The following RETNLB variants were observed in gnomAD, a reference collection of about 807,000 sequenced individuals.
The protein encoded by RETNLB is resistin like beta.
Under a neutral mutation model 6.8 loss-of-function variants are expected in RETNLB, and 11 were observed. The ratio of observed to expected loss-of-function variants is 1.62; its 90% CI spans 1.02 to 2.68. The LOEUF (loss-of-function observed/expected upper bound fraction) is 2.68. RETNLB is among the 30% of genes most tolerant of loss of function. The pLI is 0.00. For missense variants in RETNLB, 146 were observed against 135.7 expected, an observed-to-expected ratio of 1.08 and a Z score of -0.38; for synonymous variants, 57 against 54.2, an observed-to-expected ratio of 1.05 and a Z score of -0.23.
intron 1 of RETNLB, 93 bp downstream of exon 1, chr3:108,756,966 G>T (rs970467436): frequency 9.2e-5 from 134 of 1,454,588 alleles, no homozygotes; most frequent in Non-Finnish European, 1.2e-4. Flanking sequence ...GCTTGGTTGG[G>T]ATCTTGGGAT....
At position 108,756,571 on chromosome 3, in the gene RETNLB, T is replaced by C. The variant is rs1438495520; in HGVS notation, c.145A>G (p.Ile49Val). Residue 49 changes from isoleucine to valine, a missense_variant, in exon 2 of 3, where the codon ATA becomes GTA. By Grantham distance (29) the Ile-to-Val change is conservative. Coordinates refer to ENST00000295755, the MANE Select transcript of RETNLB (RefSeq NM_032579.3). ...LNSLEYSPSP[I>V]SKKLSCASVK... is the part of the protein sequence containing the mutation. The stretch of plus-strand genomic sequence containing the variant: ...CTAGCACACGAGAGCTTCTTGCTTA[T>C]AGGAGAGGGACTGTACTCTGAGTAG... The C allele has an allele frequency of 1.2e-6, 2 of 1,612,024 alleles. No individual in the cohort carries two copies. The highest frequency in any genetic ancestry group is 4.5e-5 in the East Asian group (2 of 44,874).
intron 1 of RETNLB, 85 bp from the exon 2 acceptor site, chr3:108,756,673 G>T: frequency 2.1e-6 from 2 of 966,342 alleles, no homozygotes; most frequent in Non-Finnish European, 3.3e-6. Context: ...CTTCTACCTT[G>T]GAGGTGACAC....
intron 1 of RETNLB, 116 bp downstream of exon 1, chr3:108,756,943 C>T: frequency 8.2e-7 from 1 of 1,212,864 alleles, no homozygotes; most frequent in Non-Finnish European, 1.1e-6. Flanking sequence ...AGAAAGCCCT[C>T]ATCAGGGGTT....
At position 108,755,808 on chromosome 3, in the gene RETNLB, C is replaced by T; in HGVS notation, c.306G>A (p.Trp102Ter). The change falls in exon 3 of 3, where the codon TGG becomes TGA. Residue 102 changes from tryptophan (W) to a stop codon, truncating the protein, a stop_gained. Transcript: ENST00000295755. LOFTEE classifies it high-confidence loss of function. ...TCAGGTGGCAGCAGCGGGCAGTGGT[C>T]CAGTCCACCACACTGCACTGGCAGT... ...TCHCQCSVVD[W>*]TTARCCHLT The T allele has an allele frequency of 6.2e-7, 1 of 1,614,138 alleles. No homozygotes were observed. The highest frequency in any genetic ancestry group is 8.5e-7 in the Non-Finnish European group (1 of 1,179,972).
At chr3:108,756,420 G>C in intron 2 of RETNLB, 88 bp downstream of exon 2, 2 of 917,946 alleles carry the variant, frequency 2.2e-6, no homozygotes, top group African/African-American at 3.2e-5. Context: ...ATACAGACCT[G>C]ACATGGGGGA....
At chr3:108,756,438 G>T (rs1400651527) in intron 2 of RETNLB, 70 bp downstream of exon 2, 5 of 1,040,302 alleles carry the variant, frequency 4.8e-6, no homozygotes, top group Admixed American at 1.7e-5. Context: ...GGAAGACGTA[G>T]GTGCAGGGAG....
At position 108,757,119 on chromosome 3, in the gene RETNLB, T is replaced by A; in HGVS notation, c.67A>T (p.Thr23Ser). ...ATAACGGAGTCTAAGGAACACTGAG[T>A]ACTCCCCGGGTTGATCAGCTGGAGA... is the stretch of plus-strand genomic sequence containing the variant. Reference protein sequence around the residue: ...PLLQLINPGSTQCSLDSVMDK... With the variant: ...PLLQLINPGSSQCSLDSVMDK... The change falls in exon 1 of 3, where the codon ACT (threonine) becomes TCT (serine). Residue 23 changes from threonine to serine, a missense_variant. Coordinates refer to ENST00000295755, the MANE Select transcript of RETNLB (RefSeq NM_032579.3). The A allele has an allele frequency of 1.2e-6, 2 of 1,613,664 alleles. No individual in the cohort carries two copies. The highest frequency in any genetic ancestry group is 8.5e-7 in the Non-Finnish European group (1 of 1,179,826).
Position 108,756,466 on chromosome 3 carries a change from C to A in RETNLB, c.208+42G>T, listed in dbSNP as rs1223183665. ...GCAGGGAGATGGACAGGGGAGGATA[C>A]AGGGCATCGTAGTCGCCATTCCCTC... On this transcript the variant is annotated intron_variant, in intron 2 of 2. Coordinates refer to ENST00000295755, the MANE Select transcript of RETNLB (RefSeq NM_032579.3). 4 of 1,292,300 alleles carry A rather than the reference C, an allele frequency of 3.1e-6. No homozygotes were observed. The African/African-American group carries it at 5.8e-5, about 19-fold the overall frequency. The allele number at this position is 1,292,300 out of a possible 1,614,324, so 80.1% of individuals were successfully genotyped here.
chr3:108,756,259 G>C (rs2107482458), intron 2 of RETNLB, among the ~76,000 whole-genome samples: 1 of 152,282 alleles, frequency 6.6e-6, no homozygotes, highest in East Asian at 1.9e-4. Context: ...ATGGAGGAGA[G>C]GAAGGGCTGA....
Position 108,755,695 on chromosome 3 carries a change from G to C in RETNLB, c.*83C>G. ...ATCAGGAATGGAACAAATGAAGTGG[G>C]ACGTTTGAGTTAGATTTCTTGGTTG... On this transcript the variant is annotated 3_prime_UTR_variant, in exon 3 of 3. Coordinates refer to ENST00000295755, the MANE Select transcript of RETNLB (RefSeq NM_032579.3). 1 of 1,450,830 alleles carries C rather than the reference G, an allele frequency of 6.9e-7. No homozygotes were observed. 89.9% of individuals were successfully genotyped at this position (1,450,830 alleles called of 1,614,324 possible). A position where few individuals can be genotyped will look rare whatever the true frequency, so the allele number is the denominator to read the frequency against.
At chr3:108,756,001 G>A in intron 2 of RETNLB, 96 bp from the exon 3 acceptor site, 1 of 1,447,176 alleles carries the variant, frequency 6.9e-7, no homozygotes. Flanking sequence ...GCAGTCAGGG[G>A]TAGAGCTAGG....
intron 1 of RETNLB, 44 bp from the exon 2 acceptor site, chr3:108,756,632 C>T (rs769694832): frequency 7.6e-7 from 1 of 1,322,342 alleles, no homozygotes; most frequent in Non-Finnish European, 1.1e-6. Context: ...AGCTATCCTC[C>T]CCATAATCCC....
intron 2 of RETNLB, 107 bp downstream of exon 2, chr3:108,756,401 G>A: frequency 5.1e-6 from 4 of 782,912 alleles, no homozygotes; most frequent in South Asian, 1.5e-5. Context: ...GCCCCAGGGT[G>A]CCAGGGTGAT....
chr3:108,756,986 A>G, intron 1 of RETNLB, 73 bp downstream of exon 1: 3 of 1,540,002 alleles, frequency 1.9e-6, no homozygotes, highest in Non-Finnish European at 2.6e-6. Flanking sequence ...TGGGATAGAG[A>G]CAAAGCTAGA....
In RETNLB at chr3:108,757,109, G is replaced by A. The variant is rs1945255819; in HGVS notation, c.77C>T (p.Ser26Phe). 1.2e-6 allele frequency: 2 copies of A among 1,613,934 alleles called. No individual in the cohort carries two copies. Among genetic ancestry groups the A allele is most frequent in the African/African-American group, 2.7e-5 (2 of 75,010 alleles). The change falls in exon 1 of 3, where the codon TCC (serine) becomes TTC (phenylalanine). Residue 26 changes from serine to phenylalanine, a missense_variant. By Grantham distance (155) the Ser-to-Phe change is radical. Coordinates refer to ENST00000295755, the MANE Select transcript of RETNLB (RefSeq NM_032579.3). ...CTTCTTATCCATAACGGAGTCTAAG[G>A]AACACTGAGTACTCCCCGGGTTGAT... The part of the protein sequence containing the change: ...QLINPGSTQC[S>F]LDSVMDKKIK...
chr3:108,757,147 G>T lies in RETNLB; in HGVS notation c.39C>A (p.Pro13=), dbSNP rs1229419090. Residue 13 remains proline (P), a synonymous_variant, in exon 1 of 3, where the codon CCC becomes CCA. Coordinates refer to ENST00000295755, the MANE Select transcript of RETNLB (RefSeq NM_032579.3). ...PSSCLLLILI[P]LLQLINPGST... is the part of the protein sequence containing the mutation. ...TCCCCGGGTTGATCAGCTGGAGAAG[G>T]GGGATTAGGATGAGAAGGAGGCAAG... 1 of 1,571,874 alleles carries T rather than the reference G, an allele frequency of 6.4e-7. No individual in the cohort carries two copies. The highest frequency in any genetic ancestry group is 1.8e-5 in the Admixed American group (1 of 56,062).
rs766178120 is a variant in RETNLB at position 108,755,795 on chromosome 3, A to C, written c.319T>G (p.Cys107Gly). 3.0e-5 allele frequency: 48 copies of C among 1,614,074 alleles called. No individual in the cohort carries two copies. The East Asian group carries it at 1.1e-3, about 36-fold the overall frequency. ...CSVVDWTTARCCHLT is the reference protein window; with the variant it reads ...CSVVDWTTARGCHLT The stretch of plus-strand genomic sequence containing the variant: ...CCTCCCTGTCAGGTCAGGTGGCAGC[A>C]GCGGGCAGTGGTCCAGTCCACCACA... The change falls in exon 3 of 3, where the codon TGC becomes GGC. Residue 107 changes from cysteine (C) to glycine (G), a missense_variant. By Grantham distance (159) the Cys-to-Gly change is radical. Coordinates refer to ENST00000295755, the MANE Select transcript of RETNLB (RefSeq NM_032579.3).
In RETNLB at chr3:108,756,489, C is replaced by A. The variant is rs755356562; in HGVS notation, c.208+19G>T. 1.9e-6 allele frequency: 3 copies of A among 1,552,620 alleles called. No homozygotes were observed. The highest frequency in any genetic ancestry group is 2.2e-5 in the South Asian group (2 of 89,802). The stretch of plus-strand genomic sequence containing the variant: ...TACAGGGCATCGTAGTCGCCATTCC[C>A]TCTCAGGGAGTTACTCACCAGCAGG... On this transcript the variant is annotated intron_variant, in intron 2 of 2. Transcript: ENST00000295755.
Position 108,757,121 on chromosome 3 carries a change from C to A in RETNLB, c.65G>T (p.Ser22Ile). 3.1e-6 allele frequency: 5 copies of A among 1,613,632 alleles called. No individual in the cohort carries two copies. The highest frequency in any genetic ancestry group is 4.2e-6 in the Non-Finnish European group (5 of 1,179,806). Residue 22 changes from serine to isoleucine, a missense_variant, in exon 1 of 3, where the codon AGT becomes ATT. Ser to Ile is a moderately radical substitution (Grantham distance 142). Coordinates refer to ENST00000295755, the MANE Select transcript of RETNLB (RefSeq NM_032579.3). ...AACGGAGTCTAAGGAACACTGAGTA[C>A]TCCCCGGGTTGATCAGCTGGAGAAG... ...IPLLQLINPG[S>I]TQCSLDSVMD...
Sources: allele counts gnomAD v4.1 joint callset (sites outside exome capture counted in the v4.1 genomes callset), GRCh38; gene constraint gnomAD v4.1.1; transcripts MANE v1.5; gene names NCBI Gene and HGNC (gene_info 2026-07-23, HGNC 2026-07-21).